Variants in GFAP observed in about 807,000 individuals in gnomAD.
GFAP encodes the protein intermediate filament protein.
In GFAP, 38 loss-of-function variants were observed where a neutral mutation model predicts 49.3. The ratio of observed to expected loss-of-function variants is 0.77; its 90% CI spans 0.60 to 1.01. The LOEUF (loss-of-function observed/expected upper bound fraction) is 1.01. GFAP is among the 50% of genes least tolerant of loss of function. The pLI, the probability that GFAP is intolerant of heterozygous loss-of-function variation, is 0.00. For missense variants in GFAP, 463 were observed against 579.1 expected (o/e 0.80, Z 2.06); for synonymous variants, 222 against 236.4 (o/e 0.94, Z 0.56).
At position 44,903,968 on chromosome 17, in the gene GFAP, A is replaced by G. The variant is rs566614925; in HGVS notation, c.*3379T>C. On this transcript the variant is annotated 3_prime_UTR_variant, in exon 9 of 9. Coordinates refer to ENST00000588735, the MANE Select transcript of GFAP (RefSeq NM_002055.5). ...TGAAAATGCAGCCTACCTGGCCGACATGAGCTTTGAGCTTCCCTGTCACTG... is the reference window on the plus strand; with the variant it reads ...TGAAAATGCAGCCTACCTGGCCGACGTGAGCTTTGAGCTTCCCTGTCACTG... The G allele has an allele frequency of 4.9e-5, 76 of 1,550,622 alleles. No individual in the cohort carries two copies. The African/African-American group carries it at 9.0e-4, about 18-fold the overall frequency.
chr17:44,912,746 C>T (rs1309183317), intron 4 of GFAP: 2 of 206,170 alleles, frequency 9.7e-6, no homozygotes, highest in Admixed American at 5.2e-5. Context: ...TCTACGGGCA[C>T]TATGTTTGGG....
Position 44,915,121 on chromosome 17 carries a change from C to T in GFAP, c.366G>A (p.Glu122=), listed in dbSNP as rs745322183. 12 of 1,613,904 alleles carry T rather than the reference C, an allele frequency of 7.4e-6. No individual in the cohort carries two copies. Among genetic ancestry groups the T allele is most frequent in the Non-Finnish European group, 1.0e-5 (12 of 1,180,022 alleles). Residue 122 remains glutamate (E), a synonymous_variant, in exon 1 of 9, where the codon GAG becomes GAA. Transcript: ENST00000588735. This position sits in a 1 kb window ranked among gnomAD's most constrained non-coding sequence, Gnocchi z 4.1. ...LADVYQAELR[E]LRLRLDQLTA... Reference sequence around the variant, plus strand: ...TGAGTTGATCGAGCCGCAGCCGCAGCTCTCGCAGCTCAGCCTGGTAGACGT... The same window carrying T: ...TGAGTTGATCGAGCCGCAGCCGCAGTTCTCGCAGCTCAGCCTGGTAGACGT...
intron 8 of GFAP, chr17:44,907,730 G>C: frequency 1.8e-6 from 1 of 547,238 alleles, no homozygotes; most frequent in Admixed American, 3.1e-5. Flanking sequence ...ATCCCCAACT[G>C]TGTCTGCTAG....
At chr17:44,913,523 G>A (rs987042690) in intron 3 of GFAP, 93 bp from the exon 4 acceptor site, 33 of 1,383,646 alleles carry the variant, frequency 2.4e-5, no homozygotes, top group Admixed American at 7.1e-5. Context: ...CCTGCCCCTC[G>A]GCCAGGAGTT....
Position 44,913,437 on chromosome 17 carries a change from A to C in GFAP, c.619-7T>G. ...CCTGGAGTTCCCGAACCTCCTGACC[A>C]GGGTGAGAGAAGCGGTACCAGGGCT... On this transcript the variant is annotated splice_polypyrimidine_tract_variant and splice_region_variant and intron_variant, in intron 3 of 8. Transcript: ENST00000588735. 6.2e-7 allele frequency: 1 copy of C among 1,613,798 alleles called. No individual in the cohort carries two copies.
chr17:44,914,701 G>A (rs897735327), intron 1 of GFAP: 2 of 415,040 alleles, frequency 4.8e-6, no homozygotes, highest in African/African-American at 4.0e-5. Context: ...CTCAGAATAG[G>A]TGAGCTCGCT....
rs907564777 is a variant in GFAP at position 44,915,234 on chromosome 17, C to T, written c.253G>A (p.Glu85Lys). 6 of 1,614,220 alleles carry T rather than the reference C, an allele frequency of 3.7e-6. No homozygotes were observed. The highest frequency in any genetic ancestry group is 5.1e-6 in the Non-Finnish European group (6 of 1,180,052). Residue 85 changes from glutamate (E) to lysine (K), a missense_variant, in exon 1 of 9, where the codon GAG becomes AAG. Coordinates refer to ENST00000588735, the MANE Select transcript of GFAP (RefSeq NM_002055.5). This position sits in a 1 kb window ranked among gnomAD's most constrained non-coding sequence, Gnocchi z 4.1. ...ELNDRFASYI[E>K]KVRFLEQQNK... The stretch of plus-strand genomic sequence containing the variant: ...TGCTGTTCCAGGAAGCGAACCTTCT[C>T]GATGTAGCTGGCAAAGCGGTCATTG...
chr17:44,911,601 T>A, intron 5 of GFAP, 71 bp downstream of exon 5: 1 of 1,594,624 alleles, frequency 6.3e-7, no homozygotes, highest in Admixed American at 1.7e-5. Flanking sequence ...TCCCTGGCCC[T>A]TCTCCCCTGG....
In GFAP at chr17:44,915,453, G is replaced by C. The variant is rs375692636; in HGVS notation, c.34C>G (p.Arg12Gly). The change falls in exon 1 of 9, where the codon CGC becomes GGC. Residue 12 changes from arginine (R) to glycine (G), a missense_variant. Around this residue, in one of 3 missense-constraint regions of GFAP, gnomAD observed 89 missense variants for 87.5 expected, o/e 1.02. Coordinates refer to ENST00000588735, the MANE Select transcript of GFAP (RefSeq NM_002055.5). The surrounding 1 kb of genome is among the most constrained non-coding windows in gnomAD (Gnocchi z 4.1). The part of the protein sequence containing the change: ...ERRRITSAAR[R>G]SYVSSGEMMV... ...ATCTCCCCTGAGGAGACGTAGGAGC[G>C]GCGAGCAGCGGAGGTGATGCGTCTC... 2 of 1,602,660 alleles carry C rather than the reference G, an allele frequency of 1.2e-6. No homozygotes were observed. The highest frequency in any genetic ancestry group is 1.7e-6 in the Non-Finnish European group (2 of 1,175,210).
At position 44,904,706 on chromosome 17, in the gene GFAP, C is replaced by T. The variant is rs557308240; in HGVS notation, c.*2641G>A. On this transcript the variant is annotated 3_prime_UTR_variant, in exon 9 of 9. Transcript: ENST00000588735. ...ACTCATCATCTCCTGTCCTGGGGCC[C>T]GGCCAGAGCATGCAGTGGCCTGGGA... 561 of 1,550,576 alleles carry T rather than the reference C, an allele frequency of 3.6e-4. 4 individuals are homozygous for T. Among genetic ancestry groups the T allele is most frequent in the Non-Finnish European group, 2.3e-4 (260 of 1,146,988 alleles).
At chr17:44,910,358 C>T in intron 7 of GFAP, 1 of 1,610,804 alleles carries the variant, frequency 6.2e-7, no homozygotes. Context: ...CAAGCTCTCA[C>T]CCAGTTCTGC....
rs765487380 is a variant in GFAP at position 44,907,323 on chromosome 17, A to G, written c.*24T>C. ...GCTCGGGCCCCTCATGAGACGGGGCAGAGGCCACCAGGTGGGTCCTGCCTC... is the reference window on the plus strand; with the variant it reads ...GCTCGGGCCCCTCATGAGACGGGGCGGAGGCCACCAGGTGGGTCCTGCCTC... On this transcript the variant is annotated 3_prime_UTR_variant, in exon 9 of 9. Transcript: ENST00000588735. The G allele has an allele frequency of 1.9e-6, 3 of 1,611,844 alleles. No individual in the cohort carries two copies. The highest frequency in any genetic ancestry group is 1.7e-5 in the Admixed American group (1 of 60,022).
chr17:44,910,049 G>A (rs2051720876), intron 7 of GFAP: 9 of 1,605,832 alleles, frequency 5.6e-6, no homozygotes, highest in Non-Finnish European at 6.8e-6. Flanking sequence ...CCTGGGAAGA[G>A]GGAACTCAGG....
intron 7 of GFAP, 122 bp downstream of exon 7, chr17:44,910,493 G>A: frequency 1.3e-6 from 2 of 1,553,282 alleles, no homozygotes; most frequent in Non-Finnish European, 1.7e-6. Flanking sequence ...GTGTCACGAA[G>A]GCCCCCAGGG....
rs762094878 is a variant in GFAP at position 44,905,956 on chromosome 17, C to T, written c.*1391G>A. 6.6e-6 allele frequency: 1 copy of T among 152,300 alleles called. No individual in the cohort carries two copies. The highest frequency in any genetic ancestry group is 1.5e-5 in the Non-Finnish European group (1 of 68,082). 9.4% of individuals were successfully genotyped at this position (152,300 alleles called of 1,614,324 possible). On this transcript the variant is annotated 3_prime_UTR_variant, in exon 9 of 9. Transcript: ENST00000588735. ...GCAGGAATATGAGCCAGTGTCTTCA[C>T]TTTGCTCGTGCCTCAGTTTTACAAT...
chr17:44,913,875 C>T, intron 2 of GFAP, 52 bp from the exon 3 acceptor site: 1 of 1,480,568 alleles, frequency 6.8e-7, no homozygotes, highest in Non-Finnish European at 9.4e-7. Context: ...CCCCAGGCTC[C>T]TTCTCCCCAT....
rs890328964 is a variant in GFAP, at chr17:44,906,981, A to G, written c.*366T>C. Reference sequence around the variant, plus strand: ...CGAGAGAACCTCCATCTCTGGCAACAGTTTCCATAACAACAGGAATCAGGG... The same window carrying G: ...CGAGAGAACCTCCATCTCTGGCAACGGTTTCCATAACAACAGGAATCAGGG... On this transcript the variant is annotated 3_prime_UTR_variant, in exon 9 of 9. Coordinates refer to ENST00000588735, the MANE Select transcript of GFAP (RefSeq NM_002055.5). 6 of 345,386 alleles carry G rather than the reference A, an allele frequency of 1.7e-5. No individual in the cohort carries two copies. The highest frequency in any genetic ancestry group is 2.8e-5 in the Non-Finnish European group (5 of 179,438). The allele number at this position is 345,386 out of a possible 1,614,324, so 21.4% of individuals were successfully genotyped here. A position where few individuals can be genotyped will look rare whatever the true frequency, so the allele number is the denominator to read the frequency against.
chr17:44,914,003 T>C (rs908566085), intron 2 of GFAP, 25 bp downstream of exon 2: 1 of 1,024,470 alleles, frequency 9.8e-7, no homozygotes, highest in African/African-American at 1.6e-5. Context: ...CTCCCTCCCC[T>C]GCCCCTCCCC....
Position 44,904,932 on chromosome 17 carries a change from C to T in GFAP, c.*2415G>A, listed in dbSNP as rs1202829209. 3.0e-5 allele frequency: 46 copies of T among 1,550,534 alleles called. No individual in the cohort carries two copies. The Admixed American group carries it at 6.7e-4, about 22-fold the overall frequency. ...ACATCTCATGGGCACTACCCAGCCTCGTTCTCAGATCCTGAGACTCGCTCG... is the reference window on the plus strand; with the variant it reads ...ACATCTCATGGGCACTACCCAGCCTTGTTCTCAGATCCTGAGACTCGCTCG... On this transcript the variant is annotated 3_prime_UTR_variant, in exon 9 of 9. Transcript: ENST00000588735.
Sources: gnomAD v4.1 joint callset for allele counts on GRCh38, gnomAD v4.1.1 for gene constraint, gnomAD v4.1.1 regional missense constraint, Gnocchi (gnomAD v3.1) non-coding constraint, MANE v1.5 for transcripts, NCBI Gene and HGNC (gene_info 2026-07-23, HGNC 2026-07-21) for gene names.